DOCK1: variants seen among roughly 807,000 people sequenced by gnomAD.
DOCK1 encodes the protein dedicator of cytokinesis 1, also known as dedicator of cytokinesis protein 1.
In DOCK1, 138 loss-of-function variants were observed where a neutral mutation model predicts 262.7. The ratio of observed to expected loss-of-function variants is 0.53; its 90% CI spans 0.46 to 0.61. The LOEUF (loss-of-function observed/expected upper bound fraction) is 0.61, where lower values mean the gene tolerates loss of function less well. DOCK1 is among the 20% of genes least tolerant of loss of function. The probability of loss-of-function intolerance (pLI) is 0.00; values close to 1 mark genes in which losing one functional copy is unlikely to be tolerated. For synonymous variants in DOCK1, 866 were observed against 867.4 expected, an observed-to-expected ratio of 1.00 and a Z score of 0.03; for missense variants, 1,908 against 2,370.7, an observed-to-expected ratio of 0.80 and a Z score of 4.05.
chr10:127,342,451 C>A (rs2063476031), intron 30 of DOCK1, among the ~76,000 whole-genome samples: 1 of 152,146 alleles, frequency 6.6e-6, no homozygotes, highest in South Asian at 2.1e-4. Context: ...GTCTCTAAAT[C>A]TCAGCTCTGC....
intron 27 of DOCK1, among the ~76,000 whole-genome samples, chr10:127,245,474 C>T (rs889006062): frequency 2.6e-5 from 4 of 152,198 alleles, no homozygotes; most frequent in African/African-American, 9.6e-5. Context: ...CAAGGGGCCG[C>T]GTGGTTGCCT....
chr10:126,965,857 C>T (rs1480364329), intron 1 of DOCK1, among the ~76,000 whole-genome samples: 1 of 152,112 alleles, frequency 6.6e-6, no homozygotes, highest in Non-Finnish European at 1.5e-5. Context: ...TGTCTCTCAT[C>T]TCAAATGTTT....
At chr10:127,162,861 C>T (rs1205290014) in intron 27 of DOCK1, among the ~76,000 whole-genome samples, 1 of 152,198 alleles carries the variant, frequency 6.6e-6, no homozygotes. Context: ...AAGAATAAAA[C>T]ACAGGTCTCG....
intron 29 of DOCK1, among the ~76,000 whole-genome samples, chr10:127,315,018 G>A (rs1457992741): frequency 6.6e-6 from 1 of 152,216 alleles, no homozygotes; most frequent in African/African-American, 2.4e-5. Context: ...GGAAGGAGCA[G>A]CCCCTGGGAA....
At chr10:127,261,394 TG>T (rs2060103837) in intron 29 of DOCK1, among the ~76,000 whole-genome samples, 1 of 140,266 alleles carries the variant, frequency 7.1e-6, no homozygotes, top group South Asian at 2.4e-4. Flanking sequence ...TGTACCTGCA[TG>T]TGTGTGCATG....
chr10:127,094,617 A>G (rs756454152), intron 23 of DOCK1, among the ~76,000 whole-genome samples: 10 of 152,056 alleles, frequency 6.6e-5, no homozygotes, highest in Non-Finnish European at 1.2e-4. Flanking sequence ...ATTCTGCGCC[A>G]TTTTGCCTCG....
intron 27 of DOCK1, among the ~76,000 whole-genome samples, chr10:127,236,452 C>T (rs1258407930): frequency 3.4e-5 from 5 of 147,160 alleles, no homozygotes; most frequent in Non-Finnish European, 7.5e-5. Flanking sequence ...ACTGTTTCGG[C>T]ACCATTTGTT....
intron 23 of DOCK1, among the ~76,000 whole-genome samples, chr10:127,086,005 C>T (rs2047174197): frequency 6.6e-6 from 1 of 152,156 alleles, no homozygotes. Context: ...TACTTGCTTT[C>T]ATTCAACAAA....
At chr10:127,059,107 T>C (rs1348261893) in intron 22 of DOCK1, among the ~76,000 whole-genome samples, 1 of 152,178 alleles carries the variant, frequency 6.6e-6, no homozygotes, top group East Asian at 1.9e-4. Context: ...GGTTGGAAGT[T>C]ATTTTCTTCT....
Position 127,361,106 on chromosome 10 carries a change from C to CTTT in DOCK1, c.3284-935_3284-933dup, listed in dbSNP as rs1175942298. Among the ~76,000 whole-genome samples, 295 of 87,406 alleles carry CTTT rather than the reference C, an allele frequency of 3.4e-3. 3 individuals are homozygous for CTTT. Among genetic ancestry groups the CTTT allele is most frequent in the Non-Finnish European group, 3.9e-3 (183 of 46,952 alleles). 57.3% of individuals were successfully genotyped at this position (87,406 alleles called of 152,430 possible). On this transcript the variant is annotated intron_variant, in intron 32 of 51. Transcript: ENST00000623213. Reference sequence around the variant, plus strand: ...GTGAAATGAGATTAATAAAGTAGTTCTTTTTTTTTTTTTTTTTTTTTTTTT... The same window carrying CTTT: ...GTGAAATGAGATTAATAAAGTAGTTCTTTTTTTTTTTTTTTTTTTTTTTTTTTT...
chr10:127,366,585 T>A (rs2064926078), intron 33 of DOCK1, among the ~76,000 whole-genome samples: 1 of 152,214 alleles, frequency 6.6e-6, no homozygotes, highest in South Asian at 2.1e-4. Flanking sequence ...TTGCTCTATC[T>A]ATGTTTTCTA....
intron 25 of DOCK1, among the ~76,000 whole-genome samples, chr10:127,114,686 A>G (rs2049065260): frequency 6.6e-6 from 1 of 152,164 alleles, no homozygotes; most frequent in African/African-American, 2.4e-5. Flanking sequence ...GGCAGAGAGA[A>G]GAGAGTAATG....
intron 38 of DOCK1, among the ~76,000 whole-genome samples, chr10:127,389,597 C>T (rs57451472): frequency 0.012 from 1,791 of 152,190 alleles, 30 homozygotes; most frequent in African/African-American, 0.041. Flanking sequence ...AATCTGAAGT[C>T]GTTGTAATCT....
intron 41 of DOCK1, 38 bp downstream of exon 41, chr10:127,409,216 G>A (rs2067701021): frequency 6.2e-7 from 1 of 1,612,230 alleles, no homozygotes; most frequent in Admixed American, 1.7e-5. Context: ...CTGAAACCAT[G>A]GTGATGCCAT....
chr10:127,017,278 C>CACACAG (rs1554973961), intron 12 of DOCK1, among the ~76,000 whole-genome samples: 2 of 150,894 alleles, frequency 1.3e-5, no homozygotes, highest in East Asian at 2.0e-4. Context: ...CATATAGACA[C>CACACAG]ACACAGACAC....
chr10:127,014,299 CTTTGT>C (rs976728128), intron 12 of DOCK1, among the ~76,000 whole-genome samples: 64 of 152,212 alleles, frequency 4.2e-4, no homozygotes, highest in African/African-American at 1.4e-3. Flanking sequence ...TGCTAATCCT[CTTTGT>C]TTTTAGTTAT....
intron 21 of DOCK1, among the ~76,000 whole-genome samples, chr10:127,048,459 T>C (rs2044491989): frequency 6.6e-6 from 1 of 152,198 alleles, no homozygotes. Flanking sequence ...TTCCTGCCTC[T>C]GTTTATCCCT....
At chr10:126,965,202 A>G (rs1206521230) in intron 1 of DOCK1, among the ~76,000 whole-genome samples, 1 of 152,108 alleles carries the variant, frequency 6.6e-6, no homozygotes, top group Non-Finnish European at 1.5e-5. Context: ...AGGGGGAGAA[A>G]TAATTCTGTT....
At chr10:127,187,412 AAAGG>A (rs2056372435) in intron 27 of DOCK1, among the ~76,000 whole-genome samples, 1 of 152,214 alleles carries the variant, frequency 6.6e-6, no homozygotes. Context: ...AGATCTTGAA[AAAGG>A]AAAACATAAA....
Sources: gnomAD v4.1 joint callset for allele counts (sites outside exome capture counted in the v4.1 genomes callset) on GRCh38, gnomAD v4.1.1 for gene constraint, MANE v1.5 for transcripts, NCBI Gene and HGNC (gene_info 2026-07-23, HGNC 2026-07-21) for gene names.